GRK2: variants seen among roughly 807,000 people sequenced by gnomAD.
The protein encoded by GRK2 is G protein-coupled receptor kinase 2.
Under a neutral mutation model 97.8 loss-of-function variants are expected in GRK2, and 23 were observed. That is an observed-to-expected ratio of 0.24 (90% CI 0.17 to 0.33). The LOEUF (loss-of-function observed/expected upper bound fraction) is 0.33. GRK2 is among the 10% of genes least tolerant of loss of function. The pLI, the probability that GRK2 is intolerant of heterozygous loss-of-function variation, is 1.00. For missense variants in GRK2, 633 were observed against 956.9 expected, an observed-to-expected ratio of 0.66 and a Z score of 4.47; for synonymous variants, 425 against 381.7, an observed-to-expected ratio of 1.11 and a Z score of -1.32.
At chr11:67,267,052 C>T (rs934132170) in intron 1 of GRK2, among the ~76,000 whole-genome samples, 3 of 152,044 alleles carry the variant, frequency 2.0e-5, no homozygotes, top group African/African-American at 7.2e-5. Flanking sequence ...TCTGCCCCAT[C>T]GGTCCCCGGA....
rs774743657 is a variant in GRK2 at position 67,285,014 on chromosome 11, G to C, written c.1791+31G>C. On this transcript the variant is annotated intron_variant, in intron 19 of 20. Transcript: ENST00000308595. ...GAGCCCGTGCGGGGGTCCGGGAGCC[G>C]GGCTTCCGGGTGGCTGGCCGGCCCG... The C allele has an allele frequency of 1.9e-6, 3 of 1,611,938 alleles. No individual in the cohort carries two copies. In the African/African-American group the frequency reaches 4.0e-5, roughly 22 times the overall value.
rs546824836 is a variant in GRK2, at chr11:67,281,958, C to T, written c.957+6C>T. On this transcript the variant is annotated splice_donor_region_variant and intron_variant, in intron 11 of 20. Transcript: ENST00000308595. This position sits in a 1 kb window ranked among gnomAD's most constrained non-coding sequence, Gnocchi z 5.7. ...TGGTCTACCGGGACCTGAAGGTGAG[C>T]GCCCCTGCTGTCCCCAGGCTGGACC... The T allele has an allele frequency of 1.1e-5, 18 of 1,613,180 alleles. No homozygotes were observed. Among genetic ancestry groups the T allele is most frequent in the African/African-American group, 8.0e-5 (6 of 74,998 alleles).
intron 1 of GRK2, among the ~76,000 whole-genome samples, chr11:67,272,745 C>T (rs1859936885): frequency 6.6e-6 from 1 of 152,262 alleles, no homozygotes; most frequent in African/African-American, 2.4e-5. Flanking sequence ...GCCCTTGATA[C>T]TTTGGCAGGG....
chr11:67,274,940 T>G (rs1859997980), intron 1 of GRK2, among the ~76,000 whole-genome samples: 1 of 152,170 alleles, frequency 6.6e-6, no homozygotes, highest in Non-Finnish European at 1.5e-5. Flanking sequence ...GTGGGGGGCA[T>G]GGGCCCCCCT....
In GRK2 at chr11:67,282,998, C is replaced by T; in HGVS notation, c.1228-130C>T. The T allele has an allele frequency of 2.5e-6, 3 of 1,185,666 alleles. No homozygotes were observed. Among genetic ancestry groups the T allele is most frequent in the Non-Finnish European group, 3.7e-6 (3 of 809,286 alleles). 73.4% of individuals were successfully genotyped at this position (1,185,666 alleles called of 1,614,324 possible). ...CCCTCCCCGTGCTGTTGGAGCATGA[C>T]TGCTGGGCGAGCTAGGATGCTGTGC... On this transcript the variant is annotated intron_variant, in intron 14 of 20. Transcript: ENST00000308595. This position sits in a 1 kb window ranked among gnomAD's most constrained non-coding sequence, Gnocchi z 6.9.
At position 67,281,532 on chromosome 11, in the gene GRK2, A is replaced by G. The variant is rs768156866; in HGVS notation, c.721A>G (p.Ile241Val). 2 of 1,613,586 alleles carry G rather than the reference A, an allele frequency of 1.2e-6. No homozygotes were observed. ...GGAGACCCTGGCCCTGAACGAGCGC[A>G]TCATGCTCTCGCTCGTCAGCACTGG... ...QGETLALNER[I>V]MLSLVSTGDC... The change falls in exon 9 of 21, where the codon ATC (isoleucine) becomes GTC (valine). Residue 241 changes from isoleucine to valine, a missense_variant. By Grantham distance (29) the Ile-to-Val change is conservative. Coordinates refer to ENST00000308595, the MANE Select transcript of GRK2 (RefSeq NM_001619.5). The surrounding 1 kb of genome is among the most constrained non-coding windows in gnomAD (Gnocchi z 5.7).
At chr11:67,283,816 C>T (rs1977981) in intron 16 of GRK2, 38 bp from the exon 17 acceptor site, 1 of 1,609,898 alleles carries the variant, frequency 6.2e-7, no homozygotes, top group South Asian at 1.1e-5. Context: ...TGCAGCCCCA[C>T]CCCCGAGCTA....
chr11:67,276,046 G>A lies in GRK2; in HGVS notation c.114-1226G>A, dbSNP rs1039920631. On this transcript the variant is annotated intron_variant, in intron 1 of 20. Coordinates refer to ENST00000308595, the MANE Select transcript of GRK2 (RefSeq NM_001619.5). The surrounding 1 kb of genome is among the most constrained non-coding windows in gnomAD (Gnocchi z 4.2). Reference sequence around the variant, plus strand: ...TCCTAGGGGCAGGCAGGGCCGGGGTGCAGAAAGGCAGGGGCCATGGCAAGC... The same window carrying A: ...TCCTAGGGGCAGGCAGGGCCGGGGTACAGAAAGGCAGGGGCCATGGCAAGC... Among the ~76,000 whole-genome samples, 4 of 152,216 alleles carry A rather than the reference G, an allele frequency of 2.6e-5. No homozygotes were observed. The highest frequency in any genetic ancestry group is 5.9e-5 in the Non-Finnish European group (4 of 68,038).
rs563451562 is a variant in GRK2 at position 67,276,604 on chromosome 11, T to G, written c.114-668T>G. ...AAATTGAGATGCAATTCATATAAAA[T>G]TCATCATTTTATTATACAATGTAGT... On this transcript the variant is annotated intron_variant, in intron 1 of 20. Transcript: ENST00000308595. This position sits in a 1 kb window ranked among gnomAD's most constrained non-coding sequence, Gnocchi z 4.2. 2 of 152,288 alleles carry G rather than the reference T, an allele frequency of 1.3e-5. No individual in the cohort carries two copies. The highest frequency in any genetic ancestry group is 4.1e-4 in the South Asian group (2 of 4,832). 9.4% of individuals were successfully genotyped at this position (152,288 alleles called of 1,614,324 possible).
chr11:67,274,495 CTTTTTTTTTTTTTTTTTTTTT>C (rs57767154), intron 1 of GRK2, among the ~76,000 whole-genome samples: 2 of 22,472 alleles, frequency 8.9e-5, no homozygotes, highest in African/African-American at 1.2e-4. Flanking sequence ...TGACCAGCAC[CTTTTTTTTTTTTTTTTTTTTT>C]TTTTTTGCTT....
rs373717461 is a variant in GRK2, at chr11:67,282,845, G to A, written c.1227+27G>A. 5.2e-5 allele frequency: 83 copies of A among 1,593,660 alleles called. No individual in the cohort carries two copies. The African/African-American group carries it at 7.0e-4, about 13-fold the overall frequency. On this transcript the variant is annotated intron_variant, in intron 14 of 20. Transcript: ENST00000308595. The surrounding 1 kb of genome is among the most constrained non-coding windows in gnomAD (Gnocchi z 6.9). The stretch of plus-strand genomic sequence containing the variant: ...TGGGTGCAGGTCTCAGTGCAGGGCC[G>A]CAGGGGGCTGGGGGGAGCTCCTGTG...
chr11:67,277,982 G>A (rs917578557), intron 2 of GRK2, among the ~76,000 whole-genome samples: 2 of 152,224 alleles, frequency 1.3e-5, no homozygotes, highest in Admixed American at 6.5e-5. Flanking sequence ...CAGGCATTGG[G>A]GGTCAGCCTG....
intron 1 of GRK2, among the ~76,000 whole-genome samples, chr11:67,272,842 C>T (rs942649798): frequency 4.6e-5 from 7 of 152,254 alleles, no homozygotes; most frequent in Non-Finnish European, 7.3e-5. Flanking sequence ...CCACCCTGCT[C>T]GGCTCAGCCC....
At chr11:67,267,114 G>A (rs1216808267) in intron 1 of GRK2, among the ~76,000 whole-genome samples, 1 of 151,972 alleles carries the variant, frequency 6.6e-6, no homozygotes, top group Non-Finnish European at 1.5e-5. Flanking sequence ...TGCTCCACCG[G>A]CCCCCCGAAG....
At chr11:67,274,964 C>G (rs573509060) in intron 1 of GRK2, among the ~76,000 whole-genome samples, 3 of 152,226 alleles carry the variant, frequency 2.0e-5, no homozygotes, top group Non-Finnish European at 4.4e-5. Context: ...CCCATCCAGG[C>G]AGGGTCTGTT....
chr11:67,285,918 A>G lies in GRK2; in HGVS notation c.*468A>G, dbSNP rs2136507928. On this transcript the variant is annotated 3_prime_UTR_variant, in exon 21 of 21. Transcript: ENST00000308595. The stretch of plus-strand genomic sequence containing the variant: ...TGTCCTGCTCCACAGTGTTGGCGAG[A>G]GGAGGGGCCCGTTGTCTCCCTGGCC... 1 of 221,898 alleles carries G rather than the reference A, an allele frequency of 4.5e-6. No homozygotes were observed. The highest frequency in any genetic ancestry group is 1.7e-3 in the Middle Eastern group (1 of 606). The allele number at this position is 221,898 out of a possible 1,614,324, so 13.7% of individuals were successfully genotyped here.
Position 67,284,833 on chromosome 11 carries a change from G to GTC in GRK2, c.1655-9_1655-8dup. On this transcript the variant is annotated splice_polypyrimidine_tract_variant and intron_variant, in intron 18 of 20. Coordinates refer to ENST00000308595, the MANE Select transcript of GRK2 (RefSeq NM_001619.5). The stretch of plus-strand genomic sequence containing the variant: ...AGGTGGGGCCGGCTGAGTCTCCTCT[G>GTC]TCTCTCGCCTCAGACTACGCCCTGG... 6.2e-7 allele frequency: 1 copy of GTC among 1,611,246 alleles called. No individual in the cohort carries two copies. The highest frequency in any genetic ancestry group is 1.1e-5 in the South Asian group (1 of 90,890).
intron 1 of GRK2, among the ~76,000 whole-genome samples, chr11:67,270,162 G>T (rs1859876489): frequency 6.6e-6 from 1 of 152,186 alleles, no homozygotes; most frequent in Non-Finnish European, 1.5e-5. Context: ...TGAAGGAACT[G>T]CTGTCTCCCT....
intron 6 of GRK2, 189 bp from the exon 7 acceptor site, chr11:67,280,543 G>T: frequency 1.5e-6 from 1 of 681,660 alleles, no homozygotes. Context: ...CACCCAAGCA[G>T]CCCTGACTGG....
Sources: gnomAD v4.1 joint callset for allele counts (sites outside exome capture counted in the v4.1 genomes callset) on GRCh38, gnomAD v4.1.1 for gene constraint, Gnocchi (gnomAD v3.1) non-coding constraint, MANE v1.5 for transcripts, NCBI Gene and HGNC (gene_info 2026-07-23, HGNC 2026-07-21) for gene names.